Variants in ADCY1 observed in about 807,000 individuals in gnomAD.
ADCY1 encodes adenylate cyclase type 1.
ADCY1 carries 28 observed loss-of-function variants against 105.4 expected under a neutral mutation model. That is an observed-to-expected ratio of 0.27 (90% CI 0.20 to 0.36). The LOEUF (loss-of-function observed/expected upper bound fraction) is 0.36. Among genes scored for constraint, ADCY1 ranks in the 10% least tolerant of loss-of-function variants. The pLI is 1.00. For missense variants in ADCY1, 977 were observed against 1,434.2 expected, an observed-to-expected ratio of 0.68 and a Z score of 5.15; for synonymous variants, 655 against 623.8, an observed-to-expected ratio of 1.05 and a Z score of -0.75.
intron 4 of ADCY1, among the ~76,000 whole-genome samples, chr7:45,642,590 A>C (rs1025122875): frequency 3.3e-5 from 5 of 151,654 alleles, no homozygotes; most frequent in African/African-American, 1.2e-4. Flanking sequence ...AGTTTCTTGG[A>C]TCTGCTTTTG....
At chr7:45,678,494 T>A (rs920276380) in intron 10 of ADCY1, among the ~76,000 whole-genome samples, 6 of 152,162 alleles carry the variant, frequency 3.9e-5, no homozygotes, top group African/African-American at 1.4e-4. Context: ...ATGGGACTGG[T>A]CACTTTCCAT....
chr7:45,709,090 C>A (rs1244987985), intron 18 of ADCY1, among the ~76,000 whole-genome samples: 1 of 152,160 alleles, frequency 6.6e-6, no homozygotes, highest in African/African-American at 2.4e-5. Flanking sequence ...ATTCAAACAT[C>A]CAGTAGCCTT....
chr7:45,579,353 C>G (rs1326320150), intron 1 of ADCY1, among the ~76,000 whole-genome samples: 2 of 152,136 alleles, frequency 1.3e-5, no homozygotes, highest in African/African-American at 4.8e-5. Context: ...CCTACCTCCC[C>G]TGCTGGCCCC....
At chr7:45,578,785 C>T (rs1161806253) in intron 1 of ADCY1, among the ~76,000 whole-genome samples, 2 of 152,218 alleles carry the variant, frequency 1.3e-5, no homozygotes, top group African/African-American at 4.8e-5. Flanking sequence ...TGGTCTCTGC[C>T]AGCTCTGAGC....
chr7:45,676,892 A>C (rs1242076360), intron 8 of ADCY1, among the ~76,000 whole-genome samples: 7 of 151,306 alleles, frequency 4.6e-5, no homozygotes, highest in Non-Finnish European at 8.8e-5. Context: ...TATTGTCTAA[A>C]AGTTTTGTTT....
intron 4 of ADCY1, among the ~76,000 whole-genome samples, chr7:45,645,095 G>A (rs1160435242): frequency 6.6e-6 from 1 of 152,030 alleles, no homozygotes; most frequent in Non-Finnish European, 1.5e-5. Flanking sequence ...CAAGTGTTCT[G>A]GACAATTTCT....
intron 1 of ADCY1, among the ~76,000 whole-genome samples, chr7:45,580,760 G>C (rs1792510281): frequency 6.6e-6 from 1 of 152,178 alleles, no homozygotes; most frequent in Non-Finnish European, 1.5e-5. Context: ...TTTCTCCCAA[G>C]AGCAGTGCTG....
Position 45,577,531 on chromosome 7 carries a change from T to C in ADCY1, c.639+2349T>C, listed in dbSNP as rs535349622. On this transcript the variant is annotated intron_variant, in intron 1 of 19. Coordinates refer to ENST00000297323, the MANE Select transcript of ADCY1 (RefSeq NM_021116.4). ...TACACAGCATTGATGTTTCTGCTGC[T>C]CTTCACTGCTTTACCATCCACTTTC... Among the ~76,000 whole-genome samples, 191 of 152,372 alleles carry C rather than the reference T, an allele frequency of 1.3e-3. 1 individual carries two copies. The highest frequency in any genetic ancestry group is 4.4e-3 in the African/African-American group (185 of 41,592).
At chr7:45,583,586 T>G (rs955460809) in intron 1 of ADCY1, among the ~76,000 whole-genome samples, 7 of 152,222 alleles carry the variant, frequency 4.6e-5, no homozygotes, top group Non-Finnish European at 8.8e-5. Context: ...AAAATGCAGA[T>G]GCATGGTGCT....
chr7:45,683,753 G>A lies in ADCY1; in HGVS notation c.1984-1226G>A, dbSNP rs565984954. On this transcript the variant is annotated intron_variant, in intron 11 of 19. Coordinates refer to ENST00000297323, the MANE Select transcript of ADCY1 (RefSeq NM_021116.4). ...TCATGATGGGCAGCTCAGGTCATGC[G>A]GTAACTTGGCCCACAGGTAGGGGTT... 4.6e-5 allele frequency among the ~76,000 whole-genome samples: 7 copies of A among 152,298 alleles called. No homozygotes were observed. In the East Asian group the frequency reaches 9.7e-4, roughly 21 times the overall value.
chr7:45,616,662 TCAA>T lies in ADCY1; in HGVS notation c.909-5966_909-5964del, dbSNP rs376066072. On this transcript the variant is annotated intron_variant, in intron 3 of 19. Transcript: ENST00000297323. Reference sequence around the variant, plus strand: ...CAACAAATTAGGATAAAAAATCCCCTCAACAAAATAAAAGCTATGTATATGACA... The same window carrying T: ...CAACAAATTAGGATAAAAAATCCCCTCAAAATAAAAGCTATGTATATGACA... 1.6e-4 allele frequency among the ~76,000 whole-genome samples: 25 copies of T among 152,234 alleles called. No individual in the cohort carries two copies. In the East Asian group the frequency reaches 4.2e-3, roughly 26 times the overall value.
rs1584239258 is a variant in ADCY1 at position 45,575,433 on chromosome 7, T to A, written c.639+251T>A. On this transcript the variant is annotated intron_variant, in intron 1 of 19. Transcript: ENST00000297323. The surrounding 1 kb of genome is among the most constrained non-coding windows in gnomAD (Gnocchi z 4.7). ...GTGAAGTGTGGAGAGGGGAGACAGG[T>A]GTGGAGAGAGAAAGGTTTGGCCAAG... Among the ~76,000 whole-genome samples, 1 of 152,198 alleles carries A rather than the reference T, an allele frequency of 6.6e-6. No individual in the cohort carries two copies. The highest frequency in any genetic ancestry group is 2.1e-4 in the South Asian group (1 of 4,818).
intron 6 of ADCY1, 84 bp downstream of exon 6, chr7:45,657,969 G>A: frequency 1.4e-6 from 2 of 1,464,332 alleles, no homozygotes; most frequent in Admixed American, 2.0e-5. Context: ...CAGGTTCTGG[G>A]CTGTGCTCTT....
chr7:45,586,074 C>T (rs943894155), intron 1 of ADCY1, among the ~76,000 whole-genome samples: 2 of 152,180 alleles, frequency 1.3e-5, no homozygotes, highest in Non-Finnish European at 2.9e-5. Context: ...TTCCTGACTT[C>T]CCTGCCTTGT....
At chr7:45,658,026 C>A (rs1022977057) in intron 6 of ADCY1, 141 bp downstream of exon 6, 2 of 996,942 alleles carry the variant, frequency 2.0e-6, no homozygotes, top group South Asian at 1.6e-5. Context: ...CTGTCCCAGC[C>A]GCACCTGCCA....
In ADCY1 at chr7:45,686,021, G is replaced by A. The variant is rs149908239; in HGVS notation, c.2133G>A (p.Ser711=). 71 of 1,614,006 alleles carry A rather than the reference G, an allele frequency of 4.4e-5. No homozygotes were observed. In the Middle Eastern group the frequency reaches 4.9e-4, roughly 11 times the overall value. Residue 711 remains serine (S), a synonymous_variant, in exon 13 of 20, where the codon TCG becomes TCA. Transcript: ENST00000297323. This position sits in a 1 kb window ranked among gnomAD's most constrained non-coding sequence, Gnocchi z 4.3. Reference sequence around the variant, plus strand: ...CCAACAGTTCCCTGGTGGTCCTTTCGTCTGGGGGCCAGCGCACAGCCCTGC... The same window carrying A: ...CCAACAGTTCCCTGGTGGTCCTTTCATCTGGGGGCCAGCGCACAGCCCTGC... ...SKPNSSLVVL[S]SGGQRTALPT... is the part of the protein sequence containing the mutation.
rs769128184 is a variant in ADCY1 at position 45,713,682 on chromosome 7, T to C, written c.3058-11T>C. 3.7e-5 allele frequency: 29 copies of C among 777,156 alleles called. No individual in the cohort carries two copies. The East Asian group carries it at 7.0e-4, about 19-fold the overall frequency. The allele number at this position is 777,156 out of a possible 1,614,324, so 48.1% of individuals were successfully genotyped here. A position where few individuals can be genotyped will look rare whatever the true frequency, so the allele number is the denominator to read the frequency against. ...TGCCCTGAAGTAACACTCACTTCTC[T>C]CCATCAACAGGTGACTGAGGAAGTC... On this transcript the variant is annotated splice_polypyrimidine_tract_variant and intron_variant, in intron 19 of 19. Transcript: ENST00000297323.
rs1452694153 is a variant in ADCY1, at chr7:45,720,655, C to T, written c.*6660C>T. 3 of 152,144 alleles carry T rather than the reference C, an allele frequency of 2.0e-5. No individual in the cohort carries two copies. The highest frequency in any genetic ancestry group is 6.5e-5 in the Admixed American group (1 of 15,276). The allele number at this position is 152,144 out of a possible 1,614,324, so 9.4% of individuals were successfully genotyped here. A position where few individuals can be genotyped will look rare whatever the true frequency, so the allele number is the denominator to read the frequency against. ...CATTCTTTGTGAAATTAGTGAGTTT[C>T]CTTCTACCCGTCACCAGATTCAATA... On this transcript the variant is annotated 3_prime_UTR_variant, in exon 20 of 20. Coordinates refer to ENST00000297323, the MANE Select transcript of ADCY1 (RefSeq NM_021116.4).
At chr7:45,598,827 G>A (rs1793143312) in intron 2 of ADCY1, among the ~76,000 whole-genome samples, 1 of 152,222 alleles carries the variant, frequency 6.6e-6, no homozygotes, top group South Asian at 2.1e-4. Context: ...CTGAGCCTAG[G>A]TCGAGCTGGC....
Sources: gnomAD v4.1 joint callset for allele counts (sites outside exome capture counted in the v4.1 genomes callset) on GRCh38, gnomAD v4.1.1 for gene constraint, Gnocchi (gnomAD v3.1) non-coding constraint, MANE v1.5 for transcripts, NCBI Gene and HGNC (gene_info 2026-07-23, HGNC 2026-07-21) for gene names.